Variants in LINGO2 observed in about 807,000 individuals in gnomAD.
The protein encoded by LINGO2 is leucine-rich repeat and immunoglobulin-like domain-containing nogo receptor-interacting protein 2.
Under a neutral mutation model 30.6 loss-of-function variants are expected in LINGO2, and 14 were observed. The ratio of observed to expected loss-of-function variants is 0.46; its 90% CI spans 0.30 to 0.72. The LOEUF (loss-of-function observed/expected upper bound fraction) is 0.72, where lower values mean the gene tolerates loss of function less well. LINGO2 is among the 30% of genes least tolerant of loss of function. The probability of loss-of-function intolerance (pLI) is 0.07; values close to 1 mark genes in which losing one functional copy is unlikely to be tolerated. For synonymous variants in LINGO2, 317 were observed against 288.5 expected (o/e 1.10, Z -1.00); for missense variants, 729 against 751.7 (o/e 0.97, Z 0.35).
chr9:28,315,402 G>A (rs866961805), intron 3 of LINGO2, among the ~76,000 whole-genome samples: 1 of 134,368 alleles, frequency 7.4e-6, no homozygotes, highest in Non-Finnish European at 1.7e-5. Flanking sequence ...ACTCCGTCTC[G>A]GGGAAAAAAA....
At chr9:29,149,958 T>A in the LINGO2 span, among the ~76,000 whole-genome samples, 3 of 152,294 alleles carry the variant, frequency 2.0e-5, no homozygotes, top group Non-Finnish European at 4.4e-5. Flanking sequence ...CCGCTCCCAC[T>A]GGCTTGATGC....
intron 1 of LINGO2, among the ~76,000 whole-genome samples, chr9:28,582,463 G>C (rs1179506786): frequency 2.6e-5 from 4 of 151,982 alleles, no homozygotes; most frequent in Non-Finnish European, 5.9e-5. Flanking sequence ...AAGTTAGCAA[G>C]TTAGTAAAAA....
chr9:27,997,354 G>T (rs977373774), intron 5 of LINGO2, among the ~76,000 whole-genome samples: 1 of 152,044 alleles, frequency 6.6e-6, no homozygotes, highest in African/African-American at 2.4e-5. Context: ...TTCATTTTGC[G>T]GTAAAATTCC....
At chr9:28,132,933 A>G (rs1827417392) in intron 4 of LINGO2, among the ~76,000 whole-genome samples, 1 of 152,182 alleles carries the variant, frequency 6.6e-6, no homozygotes, top group Admixed American at 6.5e-5. Context: ...CCCCCTTTTC[A>G]TCAAAAGGTA....
chr9:28,875,122 T>C, the LINGO2 span, among the ~76,000 whole-genome samples: 3 of 152,236 alleles, frequency 2.0e-5, no homozygotes, highest in South Asian at 4.1e-4. Context: ...ACCTCAGAAA[T>C]AGATTCTGGT....
the LINGO2 span, among the ~76,000 whole-genome samples, chr9:28,935,596 G>A: frequency 1.3e-5 from 2 of 151,852 alleles, no homozygotes; most frequent in Non-Finnish European, 2.9e-5. Context: ...AATATGCTTG[G>A]TGAGGACTCT....
Position 28,041,148 on chromosome 9 carries a change from C to T in LINGO2, c.-86-28743G>A, listed in dbSNP as rs370586491. ...GAAAAATGTTCCCTCAAAAGAGATC[C>T]AAGACCATCTTTGTGTCTGAATCTA... On this transcript the variant is annotated intron_variant, in intron 4 of 5. Coordinates refer to ENST00000379992, the Ensembl canonical transcript of LINGO2. 1.9e-4 allele frequency among the ~76,000 whole-genome samples: 29 copies of T among 152,294 alleles called. No homozygotes were observed. In the South Asian group the frequency reaches 6.0e-3, roughly 32 times the overall value.
At chr9:28,480,952 C>G (rs1825938921) in intron 1 of LINGO2, among the ~76,000 whole-genome samples, 1 of 152,108 alleles carries the variant, frequency 6.6e-6, no homozygotes, top group African/African-American at 2.4e-5. Context: ...CAACAACAGT[C>G]CTGCCTCCTT....
chr9:28,672,892 T>A (rs111359542), upstream of LINGO2, among the ~76,000 whole-genome samples: 14 of 152,240 alleles, frequency 9.2e-5, 2 homozygotes, highest in African/African-American at 3.1e-4. Flanking sequence ...AAAACAATTT[T>A]AACTAAGACT....
At chr9:28,883,310 TCA>T in the LINGO2 span, among the ~76,000 whole-genome samples, 1 of 152,048 alleles carries the variant, frequency 6.6e-6, no homozygotes, top group African/African-American at 2.4e-5. Context: ...TTCTCCTACC[TCA>T]CAGGCGTGAG....
At chr9:28,426,668 G>A (rs1034178501) in intron 2 of LINGO2, among the ~76,000 whole-genome samples, 1 of 152,090 alleles carries the variant, frequency 6.6e-6, no homozygotes, top group East Asian at 1.9e-4. Flanking sequence ...GGTTGCCCCT[G>A]AGGTGCACAT....
At chr9:28,362,227 TGTGC>T (rs1364154140) in intron 3 of LINGO2, among the ~76,000 whole-genome samples, 2 of 152,002 alleles carry the variant, frequency 1.3e-5, no homozygotes, top group Admixed American at 1.3e-4. Context: ...TGTGTGTGTG[TGTGC>T]GCATGCGCAT....
chr9:27,984,354 T>A (rs553018182), intron 5 of LINGO2, among the ~76,000 whole-genome samples: 1 of 151,984 alleles, frequency 6.6e-6, no homozygotes, highest in East Asian at 2.0e-4. Context: ...CAGGTTTTAA[T>A]AGGTGAGCAG....
At chr9:28,022,167 A>G (rs1823160090) in intron 4 of LINGO2, among the ~76,000 whole-genome samples, 1 of 152,056 alleles carries the variant, frequency 6.6e-6, no homozygotes, top group African/African-American at 2.4e-5. Flanking sequence ...TACATAATTC[A>G]CTAATAAAGT....
chr9:28,591,725 A>G (rs374369852), intron 1 of LINGO2, among the ~76,000 whole-genome samples: 51 of 152,166 alleles, frequency 3.4e-4, no homozygotes, highest in Admixed American at 1.4e-3. Flanking sequence ...GTAATGCAGC[A>G]AAAGATTCCA....
At chr9:28,887,802 C>A in the LINGO2 span, among the ~76,000 whole-genome samples, 6 of 152,128 alleles carry the variant, frequency 3.9e-5, no homozygotes, top group South Asian at 4.1e-4. Flanking sequence ...AACATGCTTT[C>A]AATCGATTTA....
At chr9:28,836,563 G>A in the LINGO2 span, among the ~76,000 whole-genome samples, 2 of 152,030 alleles carry the variant, frequency 1.3e-5, no homozygotes, top group African/African-American at 4.8e-5. Context: ...TGATCCACCC[G>A]CCTCAACTTC....
the LINGO2 span, among the ~76,000 whole-genome samples, chr9:28,918,701 C>T: frequency 1.3e-5 from 2 of 152,214 alleles, no homozygotes; most frequent in East Asian, 3.9e-4. Context: ...TCAACGTATG[C>T]GGAATAACGT....
At chr9:29,198,860 G>A in the LINGO2 span, among the ~76,000 whole-genome samples, 1 of 152,084 alleles carries the variant, frequency 6.6e-6, no homozygotes, top group Non-Finnish European at 1.5e-5. Context: ...CAGGGGCTGG[G>A]GGAGAAATAT....
Sources: gnomAD v4.1 joint callset for allele counts (sites outside exome capture counted in the v4.1 genomes callset) on GRCh38, gnomAD v4.1.1 for gene constraint, MANE v1.5 for transcripts, NCBI Gene and HGNC (gene_info 2026-07-23, HGNC 2026-07-21) for gene names.